The following TMEM164 variants were observed in gnomAD, a reference collection of about 807,000 sequenced individuals.
The protein encoded by TMEM164 is transmembrane protein 164.
TMEM164 carries 4 observed loss-of-function variants against 18.8 expected under a neutral mutation model. That is an observed-to-expected ratio of 0.21 (90% CI 0.10 to 0.49). The LOEUF (loss-of-function observed/expected upper bound fraction) is 0.49, where lower values mean the gene tolerates loss of function less well. TMEM164 is among the 20% of genes least tolerant of loss of function. TMEM164 has a pLI of 0.98. For synonymous variants in TMEM164, 86 were observed against 101.7 expected, an observed-to-expected ratio of 0.85 and a Z score of 0.93; for missense variants, 108 against 239.9, an observed-to-expected ratio of 0.45 and a Z score of 3.63.
chrX:110,050,756 A>C (rs1018857807), intron 2 of TMEM164, among the ~76,000 whole-genome samples: 2 of 112,135 alleles, frequency 1.8e-5, no homozygotes, highest in Non-Finnish European at 3.8e-5. Context: ...CTTGGAAGAA[A>C]AAAAATTGGT....
intron 3 of TMEM164, among the ~76,000 whole-genome samples, chrX:110,101,108 T>C (rs751016489): frequency 6.3e-5 from 7 of 110,713 alleles, no homozygotes; most frequent in East Asian, 2.8e-4. Context: ...AGTTTTGGTA[T>C]CTGGGTAATG....
intron 2 of TMEM164, among the ~76,000 whole-genome samples, 182 bp downstream of exon 2, chrX:110,004,346 C>T (rs1932541442): frequency 9.0e-6 from 1 of 111,548 alleles, no homozygotes; most frequent in Non-Finnish European, 1.9e-5. Context: ...TTGCACAGTG[C>T]GTCAGCCCCA....
chrX:110,166,503 T>G (rs1384770450), intron 5 of TMEM164, among the ~76,000 whole-genome samples: 1 of 111,617 alleles, frequency 9.0e-6, no homozygotes, highest in Non-Finnish European at 1.9e-5. Flanking sequence ...GAGAGTGGGA[T>G]GTCACACTGC....
At chrX:110,165,892 C>G (rs1011627342) in intron 5 of TMEM164, among the ~76,000 whole-genome samples, 1 of 112,671 alleles carries the variant, frequency 8.9e-6, no homozygotes, top group Admixed American at 9.4e-5. Flanking sequence ...TGTCCCTCTC[C>G]AGTCCATTGT....
At chrX:110,081,176 T>C (rs1039484347) in intron 3 of TMEM164, among the ~76,000 whole-genome samples, 1 of 111,351 alleles carries the variant, frequency 9.0e-6, no homozygotes. Flanking sequence ...GTTTAAAAGT[T>C]CTTTGCTTTA....
intron 3 of TMEM164, among the ~76,000 whole-genome samples, chrX:110,083,490 C>T (rs1257951826): frequency 1.8e-5 from 2 of 111,042 alleles, no homozygotes; most frequent in Admixed American, 9.7e-5. Flanking sequence ...GCTTTCTCTG[C>T]AGCCTAGCGC....
chrX:110,115,190 C>T (rs2066343464), intron 4 of TMEM164, among the ~76,000 whole-genome samples: 1 of 112,150 alleles, frequency 8.9e-6, no homozygotes, highest in Admixed American at 9.5e-5. Flanking sequence ...GCTTGAAAAT[C>T]TCACTCTTTG....
At position 110,070,247 on chromosome X, in the gene TMEM164, C is replaced by T. The variant is rs751541218; in HGVS notation, c.440+2851C>T. On this transcript the variant is annotated intron_variant, in intron 3 of 6. Transcript: ENST00000372068. ...AGGAGAATCACTTGAACCCAGGAGG[C>T]GGATGTTGCAGTGAGCCAGGACTGT... is the stretch of plus-strand genomic sequence containing the variant. 7.2e-5 allele frequency among the ~76,000 whole-genome samples: 8 copies of T among 111,408 alleles called. No individual in the cohort carries two copies. The South Asian group carries it at 2.6e-3, about 36-fold the overall frequency.
intron 2 of TMEM164, among the ~76,000 whole-genome samples, chrX:110,035,072 G>T (rs1363059540): frequency 5.6e-5 from 4 of 71,957 alleles, no homozygotes; most frequent in African/African-American, 2.1e-4. Flanking sequence ...GACTGTTGTG[G>T]GGTGGGGGGA....
At chrX:110,123,601 A>G (rs1299523251) in intron 4 of TMEM164, among the ~76,000 whole-genome samples, 5 of 112,110 alleles carry the variant, frequency 4.5e-5, no homozygotes, top group Non-Finnish European at 9.4e-5. Context: ...CCTTTGGTTA[A>G]TGGACACTCT....
At chrX:110,095,979 C>G (rs1236389275) in intron 3 of TMEM164, among the ~76,000 whole-genome samples, 1 of 112,415 alleles carries the variant, frequency 8.9e-6, no homozygotes, top group East Asian at 2.8e-4. Context: ...CTGGGTATCA[C>G]CAGCGGAGGC....
At chrX:110,103,389 G>A (rs1168094648) in intron 3 of TMEM164, among the ~76,000 whole-genome samples, 2 of 111,793 alleles carry the variant, frequency 1.8e-5, no homozygotes, top group Non-Finnish European at 1.9e-5. Flanking sequence ...GCAGGGCAGG[G>A]CAGGACAGGG....
At chrX:110,113,961 G>A (rs2066326205) in intron 4 of TMEM164, among the ~76,000 whole-genome samples, 1 of 111,609 alleles carries the variant, frequency 9.0e-6, no homozygotes, top group Non-Finnish European at 1.9e-5. Context: ...TTCTTGGAGT[G>A]AAGGAGGGGA....
chrX:110,082,435 T>C (rs2065773104), intron 3 of TMEM164, among the ~76,000 whole-genome samples: 1 of 111,999 alleles, frequency 8.9e-6, no homozygotes, highest in African/African-American at 3.2e-5. Flanking sequence ...GAATGGTACT[T>C]TCCTGAAGAG....
At position 110,091,601 on chromosome X, in the gene TMEM164, C is replaced by G. The variant is rs758429208; in HGVS notation, c.441-17479C>G. On this transcript the variant is annotated intron_variant, in intron 3 of 6. Coordinates refer to ENST00000372068, the MANE Select transcript of TMEM164 (RefSeq NM_032227.4). ...TTGTTTAAGTTCTTTGTAGATTCTG[C>G]ATATTAGCCCTTTGTCAGATGGGTA... Among the ~76,000 whole-genome samples, 7 of 112,224 alleles carry G rather than the reference C, an allele frequency of 6.2e-5. 1 individual carries two copies. In the South Asian group the frequency reaches 2.2e-3, roughly 35 times the overall value.
At chrX:110,098,396 A>G (rs1009593055) in intron 3 of TMEM164, among the ~76,000 whole-genome samples, 2 of 111,709 alleles carry the variant, frequency 1.8e-5, no homozygotes, top group Non-Finnish European at 3.8e-5. Flanking sequence ...CCATGTAAAC[A>G]TAAGTTTTCA....
At chrX:110,123,543 A>G (rs1306985843) in intron 4 of TMEM164, among the ~76,000 whole-genome samples, 1 of 112,513 alleles carries the variant, frequency 8.9e-6, no homozygotes, top group Non-Finnish European at 1.9e-5. Flanking sequence ...TGACTTCCAC[A>G]TCAGTGCTCT....
intron 3 of TMEM164, among the ~76,000 whole-genome samples, chrX:110,092,923 C>T (rs1318361188): frequency 3.6e-5 from 4 of 111,838 alleles, no homozygotes; most frequent in Admixed American, 2.9e-4. Flanking sequence ...GCATGAAGGG[C>T]TGTTGAATTT....
intron 2 of TMEM164, among the ~76,000 whole-genome samples, chrX:110,028,177 C>T (rs945335198): frequency 4.5e-5 from 5 of 112,121 alleles, no homozygotes; most frequent in East Asian, 2.8e-4. Flanking sequence ...TTGTTAATAG[C>T]GTCTTAACTA....
Sources: allele counts gnomAD v4.1 joint callset (sites outside exome capture counted in the v4.1 genomes callset), GRCh38; gene constraint gnomAD v4.1.1; transcripts MANE v1.5; gene names NCBI Gene and HGNC (gene_info 2026-07-23, HGNC 2026-07-21).